Variants in UTP6 observed in about 807,000 individuals in gnomAD.
UTP6 encodes UTP6 small subunit processome component.
A neutral mutation model predicts 96.5 loss-of-function variants in UTP6; 60 were observed. The observed-to-expected ratio is 0.62, with a 90% CI of 0.51 to 0.77. The LOEUF (loss-of-function observed/expected upper bound fraction) is 0.77. Among genes scored for constraint, UTP6 ranks in the 30% least tolerant of loss-of-function variants. UTP6 has a pLI of 0.00. For missense variants in UTP6, 637 were observed against 706.5 expected (o/e 0.90, Z 1.12); for synonymous variants, 215 against 240.1 (o/e 0.90, Z 0.96).
At chr17:31,888,659 C>T (rs886655546) in intron 7 of UTP6, among the ~76,000 whole-genome samples, 3 of 152,134 alleles carry the variant, frequency 2.0e-5, no homozygotes, top group African/African-American at 7.2e-5. Flanking sequence ...CGGGCCACTA[C>T]ACTCCAGCCT....
chr17:31,890,868 T>A (rs1911452539), intron 6 of UTP6, among the ~76,000 whole-genome samples: 1 of 151,128 alleles, frequency 6.6e-6, no homozygotes, highest in African/African-American at 2.4e-5. Context: ...ACATCTGTAA[T>A]CCCAGCTACT....
intron 12 of UTP6, 134 bp from the exon 13 acceptor site, chr17:31,878,461 C>A (rs767022331): frequency 2.2e-5 from 20 of 907,778 alleles, no homozygotes; most frequent in Non-Finnish European, 3.1e-5. Flanking sequence ...GGTGGTTTCA[C>A]TTATGAATAG....
intron 9 of UTP6, 51 bp from the exon 10 acceptor site, chr17:31,884,556 T>A (rs995238514): frequency 5.7e-6 from 8 of 1,414,064 alleles, no homozygotes; most frequent in Admixed American, 1.9e-5. Context: ...AAGAATCACT[T>A]TACTTTAAAA....
At chr17:31,886,097 A>T (rs749549588) in intron 8 of UTP6, 36 bp from the exon 9 acceptor site, 15 of 1,577,270 alleles carry the variant, frequency 9.5e-6, no homozygotes, top group South Asian at 2.3e-5. Context: ...CTTAACAGGT[A>T]GTACAAGGAG....
intron 2 of UTP6, 58 bp from the exon 3 acceptor site, chr17:31,895,069 T>C (rs888869389): frequency 3.1e-6 from 4 of 1,303,984 alleles, no homozygotes; most frequent in Non-Finnish European, 4.2e-6. Context: ...ACCTTTTAAA[T>C]ACTGGAAATT....
intron 16 of UTP6, among the ~76,000 whole-genome samples, chr17:31,870,787 T>C (rs941745175): frequency 6.6e-6 from 1 of 151,848 alleles, no homozygotes; most frequent in Non-Finnish European, 1.5e-5. Context: ...CCTCCCAAAG[T>C]GCTGGGATTA....
intron 18 of UTP6, 90 bp downstream of exon 18, chr17:31,865,276 G>C: frequency 7.2e-7 from 1 of 1,383,228 alleles, no homozygotes; most frequent in South Asian, 1.2e-5. Flanking sequence ...GCCTCCCAAA[G>C]TGCTGGGATT....
At chr17:31,883,008 T>C (rs1910933520) in intron 10 of UTP6, among the ~76,000 whole-genome samples, 3 of 152,016 alleles carry the variant, frequency 2.0e-5, no homozygotes, top group Admixed American at 2.0e-4. Flanking sequence ...AGCTTACAAA[T>C]AATTGTTAAA....
chr17:31,863,304 G>T lies in UTP6; in HGVS notation c.*55C>A, dbSNP rs762449222. 3.7e-5 allele frequency: 59 copies of T among 1,587,016 alleles called. No homozygotes were observed. The highest frequency in any genetic ancestry group is 4.6e-5 in the Non-Finnish European group (54 of 1,164,264). On this transcript the variant is annotated 3_prime_UTR_variant, in exon 19 of 19. Transcript: ENST00000261708. Reference sequence around the variant, plus strand: ...TTACAGATGGACTCAATACAAATTTGCCCACGGGGCTTGCTTGCAATACTA... The same window carrying T: ...TTACAGATGGACTCAATACAAATTTTCCCACGGGGCTTGCTTGCAATACTA...
Position 31,878,859 on chromosome 17 carries a change from G to GA in UTP6, c.968-79dup, listed in dbSNP as rs557911584. The stretch of plus-strand genomic sequence containing the variant: ...CACATCAAAGTTATTAAAAGATAAG[G>GA]AAAAAAACAGTCATCCTACACCTTT... On this transcript the variant is annotated intron_variant, in intron 11 of 18. Coordinates refer to ENST00000261708, the MANE Select transcript of UTP6 (RefSeq NM_018428.3). 1.4e-4 allele frequency: 186 copies of GA among 1,339,226 alleles called. No individual in the cohort carries two copies. The South Asian group carries it at 2.1e-3, about 15-fold the overall frequency. The allele number at this position is 1,339,226 out of a possible 1,614,324, so 83.0% of individuals were successfully genotyped here.
At chr17:31,875,132 T>C (rs1910418368) in intron 14 of UTP6, 102 bp downstream of exon 14, 1 of 1,389,806 alleles carries the variant, frequency 7.2e-7, no homozygotes. Context: ...CAAATGCCAC[T>C]CTAGAGTTGG....
Position 31,878,710 on chromosome 17 carries a change from T to C in UTP6, c.1039A>G (p.Arg347Gly). 2 of 1,614,056 alleles carry C rather than the reference T, an allele frequency of 1.2e-6. No homozygotes were observed. Among genetic ancestry groups the C allele is most frequent in the Non-Finnish European group, 1.7e-6 (2 of 1,179,970 alleles). ...CCATGTAACAACCTCACCTTCCCTCTAAGGAACCCACTATTTGACTTCTTA... is the reference window on the plus strand; with the variant it reads ...CCATGTAACAACCTCACCTTCCCTCCAAGGAACCCACTATTTGACTTCTTA... ...FTKKSNSGFLRGKRLERTMTV... is the reference protein window; with the variant it reads ...FTKKSNSGFLGGKRLERTMTV... The change falls in exon 12 of 19, where the codon AGA becomes GGA. Residue 347 changes from arginine to glycine, a missense_variant. Coordinates refer to ENST00000261708, the MANE Select transcript of UTP6 (RefSeq NM_018428.3).
chr17:31,881,716 T>C (rs1482436887), intron 10 of UTP6, among the ~76,000 whole-genome samples: 2 of 151,670 alleles, frequency 1.3e-5, no homozygotes, highest in Non-Finnish European at 2.9e-5. Flanking sequence ...TTTTTTGTTT[T>C]TGAGATAGGG....
intron 1 of UTP6, 100 bp downstream of exon 1, chr17:31,901,436 G>A: frequency 8.8e-7 from 1 of 1,133,254 alleles, no homozygotes; most frequent in East Asian, 2.4e-5. Flanking sequence ...GTTAGGAAAA[G>A]TAAACACAGG....
intron 10 of UTP6, among the ~76,000 whole-genome samples, chr17:31,884,188 G>A (rs184635720): frequency 6.6e-6 from 1 of 151,630 alleles, no homozygotes; most frequent in East Asian, 1.9e-4. Flanking sequence ...AGTAGAGACG[G>A]GGTTTCACCA....
chr17:31,883,054 C>G (rs1302099209), intron 10 of UTP6, among the ~76,000 whole-genome samples: 1 of 152,088 alleles, frequency 6.6e-6, no homozygotes, highest in Non-Finnish European at 1.5e-5. Flanking sequence ...AAATTACCAG[C>G]CAGGTGTAAT....
chr17:31,884,997 A>G (rs7219239), intron 9 of UTP6: 134,947 of 154,172 alleles, frequency 0.88, 59,317 homozygotes, highest in African/African-American at 0.96. Context: ...AGTGAGCCAT[A>G]ATTGTACCAC....
At position 31,862,195 on chromosome 17, in the gene UTP6, G is replaced by A. The variant is rs1909584290; in HGVS notation, c.*1164C>T. The stretch of plus-strand genomic sequence containing the variant: ...TGTAATCCCACCCAGCTGCTCGGGA[G>A]GCTGAGCCAGAACCACTTGAACCCG... On this transcript the variant is annotated 3_prime_UTR_variant, in exon 19 of 19. Coordinates refer to ENST00000261708, the MANE Select transcript of UTP6 (RefSeq NM_018428.3). The A allele has an allele frequency of 6.6e-6, 1 of 152,110 alleles. No individual in the cohort carries two copies. Among genetic ancestry groups the A allele is most frequent in the African/African-American group, 2.4e-5 (1 of 41,398 alleles). The allele number at this position is 152,110 out of a possible 1,614,324, so 9.4% of individuals were successfully genotyped here.
intron 1 of UTP6, among the ~76,000 whole-genome samples, chr17:31,901,042 T>TG (rs2142331854): frequency 6.6e-6 from 1 of 152,310 alleles, no homozygotes; most frequent in African/African-American, 2.4e-5. Flanking sequence ...GTCTACCATG[T>TG]GCCAGGCGCT....
Sources: allele counts gnomAD v4.1 joint callset (sites outside exome capture counted in the v4.1 genomes callset), GRCh38; gene constraint gnomAD v4.1.1; transcripts MANE v1.5; gene names NCBI Gene and HGNC (gene_info 2026-07-23, HGNC 2026-07-21).